The following CCDC136 variants were observed in gnomAD, a reference collection of about 807,000 sequenced individuals.
CCDC136 encodes the protein coiled-coil domain containing 136.
In CCDC136, 100 loss-of-function variants were observed where a neutral mutation model predicts 141.2. The ratio of observed to expected loss-of-function variants is 0.71; its 90% CI spans 0.60 to 0.84. The LOEUF (loss-of-function observed/expected upper bound fraction) is 0.84. Ranked by LOEUF, CCDC136 falls within the 40% of genes least tolerant of loss-of-function variation. The probability of loss-of-function intolerance (pLI) is 0.00; values close to 1 mark genes in which losing one functional copy is unlikely to be tolerated. For synonymous variants in CCDC136, 474 were observed against 531.9 expected, an observed-to-expected ratio of 0.89 and a Z score of 1.50; for missense variants, 1,206 against 1,379.4, an observed-to-expected ratio of 0.87 and a Z score of 1.99.
At position 128,796,740 on chromosome 7, in the gene CCDC136, T is replaced by TATATATATATATATATA. The variant is rs61079649; in HGVS notation, c.346+1972_346+1973insATATATATATATATATA. On this transcript the variant is annotated intron_variant, in intron 3 of 17. Transcript: ENST00000297788. The stretch of plus-strand genomic sequence containing the variant: ...GATTCAGAATATATATATATATATA[T>TATATATATATATATATA]TCTTTTTTTTTTTTTTTTTGAGACG... Among the ~76,000 whole-genome samples, 40 of 124,698 alleles carry TATATATATATATATATA rather than the reference T, an allele frequency of 3.2e-4. 1 individual carries two copies. Among genetic ancestry groups the TATATATATATATATATA allele is most frequent in the African/African-American group, 8.2e-4 (22 of 26,964 alleles). 81.8% of individuals were successfully genotyped at this position (124,698 alleles called of 152,430 possible). A position where few individuals can be genotyped will look rare whatever the true frequency, so the allele number is the denominator to read the frequency against.
chr7:128,811,260 A>G (rs1442352074), intron 12 of CCDC136: 1 of 456,216 alleles, frequency 2.2e-6, no homozygotes, highest in Non-Finnish European at 4.4e-6. Context: ...TTAACTGATC[A>G]GATCTCATCC....
At position 128,796,740 on chromosome 7, in the gene CCDC136, T is replaced by TATA. The variant is rs61079649; in HGVS notation, c.346+1972_346+1973insATA. Reference sequence around the variant, plus strand: ...GATTCAGAATATATATATATATATATTCTTTTTTTTTTTTTTTTTGAGACG... The same window carrying TATA: ...GATTCAGAATATATATATATATATATATATCTTTTTTTTTTTTTTTTTGAGACG... On this transcript the variant is annotated intron_variant, in intron 3 of 17. Transcript: ENST00000297788. Among the ~76,000 whole-genome samples, 1,074 of 124,664 alleles carry TATA rather than the reference T, an allele frequency of 8.6e-3. 67 individuals are homozygous for TATA. Among genetic ancestry groups the TATA allele is most frequent in the East Asian group, 0.08 (325 of 4,040 alleles). The allele number at this position is 124,664 out of a possible 152,430, so 81.8% of individuals were successfully genotyped here. A position where few individuals can be genotyped will look rare whatever the true frequency, so the allele number is the denominator to read the frequency against.
rs78589071 is a variant in CCDC136, at chr7:128,794,493, G to A, written c.162G>A (p.Thr54=). Residue 54 remains threonine, a synonymous_variant, in exon 2 of 18, where the codon ACG becomes ACA. Coordinates refer to ENST00000297788, the MANE Select transcript of CCDC136 (RefSeq NM_022742.5). This position sits in a 1 kb window ranked among gnomAD's most constrained non-coding sequence, Gnocchi z 4.3. The part of the protein sequence containing the change: ...SVNKHRGLSL[T]ETELEELRAQ... The stretch of plus-strand genomic sequence containing the variant: ...ACAAGCACCGGGGACTGAGCCTCAC[G>A]GAGACAGAGCTGGAGGAGCTGCGGG... The A allele has an allele frequency of 9.3e-5, 144 of 1,552,342 alleles. 2 individuals carry two copies. In the East Asian group the frequency reaches 3.1e-3, roughly 33 times the overall value.
At chr7:128,799,994 C>A (rs1803748059) in intron 3 of CCDC136, among the ~76,000 whole-genome samples, 1 of 152,100 alleles carries the variant, frequency 6.6e-6, no homozygotes, top group South Asian at 2.1e-4. Flanking sequence ...CCAAACAGCA[C>A]AGATAGATAT....
intron 3 of CCDC136, among the ~76,000 whole-genome samples, chr7:128,796,557 C>T (rs942478638): frequency 1.3e-4 from 19 of 151,550 alleles, no homozygotes; most frequent in African/African-American, 2.7e-4. Flanking sequence ...TGGGATGATA[C>T]GATCTGCTTT....
chr7:128,807,698 G>A (rs530435094), intron 10 of CCDC136, 153 bp downstream of exon 10: 4 of 470,716 alleles, frequency 8.5e-6, no homozygotes, highest in African/African-American at 2.0e-5. Context: ...CTTCAAAATT[G>A]TTTGCCCTGA....
At chr7:128,800,984 C>G (rs926545188) in intron 3 of CCDC136, among the ~76,000 whole-genome samples, 2 of 152,180 alleles carry the variant, frequency 1.3e-5, no homozygotes, top group African/African-American at 4.8e-5. Context: ...TTGGACCTTA[C>G]TACATAGAGT....
chr7:128,796,320 A>G (rs1438488009), intron 3 of CCDC136, among the ~76,000 whole-genome samples: 1 of 152,188 alleles, frequency 6.6e-6, no homozygotes, highest in Admixed American at 6.5e-5. Flanking sequence ...CATACCAGGC[A>G]GAAGCAACAG....
Position 128,792,321 on chromosome 7 carries a change from A to G in CCDC136, c.-91A>G, listed in dbSNP as rs1802303647. The G allele has an allele frequency of 7.1e-7, 1 of 1,415,744 alleles. No individual in the cohort carries two copies. The highest frequency in any genetic ancestry group is 1.9e-5 in the Admixed American group (1 of 53,182). The allele number at this position is 1,415,744 out of a possible 1,614,324, so 87.7% of individuals were successfully genotyped here. On this transcript the variant is annotated 5_prime_UTR_variant, in exon 1 of 18. Transcript: ENST00000297788. The stretch of plus-strand genomic sequence containing the variant: ...CCCCTCCTTTCTCCCTGCTCTCAGG[A>G]CCCACAGTGACCACTCTAGGCTCCT...
In CCDC136 at chr7:128,805,814, TGAG is replaced by T. The variant is rs762581553; in HGVS notation, c.1009_1011del (p.Glu337del). The T allele has an allele frequency of 6.2e-7, 1 of 1,613,580 alleles. No homozygotes were observed. The highest frequency in any genetic ancestry group is 8.5e-7 in the Non-Finnish European group (1 of 1,179,746). On this transcript the variant is annotated inframe_deletion, in exon 7 of 18. Coordinates refer to ENST00000297788, the MANE Select transcript of CCDC136 (RefSeq NM_022742.5). The surrounding 1 kb of genome is among the most constrained non-coding windows in gnomAD (Gnocchi z 4.6). ...AGCTACAGCATCATCGCCAGGTCAG[TGAG>T]GAGGAGCAGAGGCGGCTGCAGAGGG...
chr7:128,805,437 G>A lies in CCDC136; in HGVS notation c.861G>A (p.Met287Ile). ...CAGCAGAGTCTCAGACTTCAGAAAT[G>A]GATTTCTTAGAGCCTGATCCTGAAA... ...MTSAESQTSE[M>I]DFLEPDPEMQ... is the part of the protein sequence containing the mutation. Residue 287 changes from methionine to isoleucine, a missense_variant, in exon 6 of 18, where the codon ATG (methionine) becomes ATA (isoleucine). Coordinates refer to ENST00000297788, the MANE Select transcript of CCDC136 (RefSeq NM_022742.5). The surrounding 1 kb of genome is among the most constrained non-coding windows in gnomAD (Gnocchi z 4.6). 6.2e-7 allele frequency: 1 copy of A among 1,613,926 alleles called. No individual in the cohort carries two copies. The highest frequency in any genetic ancestry group is 8.5e-7 in the Non-Finnish European group (1 of 1,179,838).
intron 10 of CCDC136, chr7:128,808,638 G>A: frequency 1.0e-6 from 1 of 985,366 alleles, no homozygotes; most frequent in Non-Finnish European, 1.2e-6. Flanking sequence ...TCCTGTCCCT[G>A]GGGAAAGGCC....
upstream of CCDC136, chr7:128,791,445 C>T (rs767344761): frequency 1.6e-6 from 2 of 1,286,886 alleles, no homozygotes; most frequent in African/African-American, 1.5e-5. The surrounding 1 kb of genome is among the most constrained non-coding windows in gnomAD (Gnocchi z 7.1). Flanking sequence ...CCCGGGCTCG[C>T]GGCTGCGGCT....
chr7:128,812,656 C>A, intron 13 of CCDC136, 52 bp from the exon 14 acceptor site: 1 of 1,390,576 alleles, frequency 7.2e-7, no homozygotes, highest in Middle Eastern at 2.5e-4. Flanking sequence ...CAGAGTAGGG[C>A]GGAGCTTAGG....
chr7:128,814,609 C>G (rs773548654), intron 14 of CCDC136, 29 bp from the exon 15 acceptor site: 1 of 1,511,588 alleles, frequency 6.6e-7, no homozygotes, highest in Non-Finnish European at 8.8e-7. Context: ...CCAGCCAACT[C>G]TGGGTAACTG....
chr7:128,820,875 A>G (rs1375290130), intron 17 of CCDC136, among the ~76,000 whole-genome samples: 1 of 152,198 alleles, frequency 6.6e-6, no homozygotes, highest in Admixed American at 6.5e-5. Flanking sequence ...TCCTCTTTTT[A>G]GATCAATTAT....
intron 3 of CCDC136, among the ~76,000 whole-genome samples, chr7:128,797,547 G>A (rs778406976): frequency 6.6e-6 from 1 of 152,210 alleles, no homozygotes; most frequent in Non-Finnish European, 1.5e-5. Flanking sequence ...CAAGGAGACA[G>A]TGATCCACTG....
intron 4 of CCDC136, 64 bp downstream of exon 4, chr7:128,801,573 A>T: frequency 1.7e-6 from 2 of 1,159,812 alleles, no homozygotes; most frequent in Non-Finnish European, 2.4e-6. Context: ...ATATAGGAAA[A>T]TGGTAGAAGG....
chr7:128,806,642 G>A, intron 8 of CCDC136, 46 bp from the exon 9 acceptor site: 17 of 1,556,526 alleles, frequency 1.1e-5, no homozygotes, highest in Non-Finnish European at 1.5e-5. Flanking sequence ...AAGAGTGAGT[G>A]GGTTAAGGAG....
Sources: gnomAD v4.1 joint callset for allele counts (sites outside exome capture counted in the v4.1 genomes callset) on GRCh38, gnomAD v4.1.1 for gene constraint, Gnocchi (gnomAD v3.1) non-coding constraint, MANE v1.5 for transcripts, NCBI Gene and HGNC (gene_info 2026-07-23, HGNC 2026-07-21) for gene names.